GALNT13: variants seen among roughly 807,000 people sequenced by gnomAD.
GALNT13 encodes polypeptide N-acetylgalactosaminyltransferase 13.
A neutral mutation model predicts 64.2 loss-of-function variants in GALNT13; 28 were observed. The ratio of observed to expected loss-of-function variants is 0.44; its 90% CI spans 0.32 to 0.60. GALNT13 has a LOEUF of 0.60. Among genes scored for constraint, GALNT13 ranks in the 20% least tolerant of loss-of-function variants. The pLI is 0.05. For missense variants in GALNT13, 577 were observed against 669.8 expected, an observed-to-expected ratio of 0.86 and a Z score of 1.53; for synonymous variants, 214 against 224.6, an observed-to-expected ratio of 0.95 and a Z score of 0.42.
At chr2:153,980,595 C>T (rs572533355) in intron 3 of GALNT13, among the ~76,000 whole-genome samples, 2 of 152,076 alleles carry the variant, frequency 1.3e-5, no homozygotes, top group Admixed American at 6.6e-5. Flanking sequence ...ATAGGTTGCA[C>T]TTGATGTTCC....
the GALNT13 span, among the ~76,000 whole-genome samples, chr2:153,298,807 G>A: frequency 2.6e-5 from 4 of 152,142 alleles, no homozygotes; most frequent in African/African-American, 9.7e-5. Context: ...GCAAGAGAGA[G>A]ATAATTTGGA....
the GALNT13 span, among the ~76,000 whole-genome samples, chr2:153,206,934 G>C: frequency 1.7e-3 from 251 of 151,722 alleles, no homozygotes; most frequent in African/African-American, 5.8e-3. Flanking sequence ...TTTTTTTTAA[G>C]CCTATATTCC....
the GALNT13 span, among the ~76,000 whole-genome samples, chr2:153,392,226 A>G: frequency 3.3e-5 from 5 of 151,394 alleles, no homozygotes; most frequent in Admixed American, 2.6e-4. Context: ...ACCTATTTAA[A>G]TTTGTGTTAT....
At chr2:154,417,801 C>T (rs966210976) in intron 11 of GALNT13, among the ~76,000 whole-genome samples, 108 of 152,082 alleles carry the variant, frequency 7.1e-4, no homozygotes, top group African/African-American at 2.1e-3. Context: ...TGTGAGCCAC[C>T]GCGCCCGGCC....
chr2:154,308,852 T>C lies in GALNT13; in HGVS notation c.1156+7263T>C, dbSNP rs150098826. ...TATTGAAAATAAAGAATGACAGCTA[T>C]ATTCATCAACTGCTTTTCCTTGCTA... On this transcript the variant is annotated intron_variant, in intron 9 of 12. Transcript: ENST00000392825. Among the ~76,000 whole-genome samples the C allele has an allele frequency of 2.7e-4, 41 of 152,322 alleles. 2 individuals carry two copies. In the East Asian group the frequency reaches 7.5e-3, roughly 28 times the overall value.
chr2:153,732,419 G>C, the GALNT13 span, among the ~76,000 whole-genome samples: 1 of 151,938 alleles, frequency 6.6e-6, no homozygotes, highest in Non-Finnish European at 1.5e-5. Flanking sequence ...AATTTTGTTT[G>C]GGATCAGTTA....
chr2:153,774,071 TAACA>T, the GALNT13 span, among the ~76,000 whole-genome samples: 4 of 152,138 alleles, frequency 2.6e-5, no homozygotes, highest in South Asian at 2.1e-4. Context: ...ATTTGAATTT[TAACA>T]AACAATTTTT....
the GALNT13 span, among the ~76,000 whole-genome samples, chr2:153,544,109 C>T: frequency 6.6e-6 from 1 of 152,210 alleles, no homozygotes; most frequent in South Asian, 2.1e-4. Flanking sequence ...GATCGATCAT[C>T]AGCACAACGT....
chr2:154,251,447 T>C (rs1188219262), intron 7 of GALNT13, among the ~76,000 whole-genome samples: 2 of 152,190 alleles, frequency 1.3e-5, no homozygotes, highest in African/African-American at 2.4e-5. Context: ...CTCATGCTTA[T>C]TGGTAAGTGG....
intron 4 of GALNT13, among the ~76,000 whole-genome samples, chr2:154,188,755 G>A (rs1043648422): frequency 1.5e-4 from 23 of 151,862 alleles, no homozygotes. Flanking sequence ...AAATTATCAT[G>A]GGGAAATGTA....
At chr2:153,683,063 A>G in the GALNT13 span, among the ~76,000 whole-genome samples, 1 of 151,808 alleles carries the variant, frequency 6.6e-6, no homozygotes, top group South Asian at 2.1e-4. Context: ...TACCTGAAGC[A>G]GAAATATGAT....
chr2:154,145,339 C>T (rs1683531856), intron 4 of GALNT13, among the ~76,000 whole-genome samples: 1 of 151,498 alleles, frequency 6.6e-6, no homozygotes, highest in African/African-American at 2.4e-5. Context: ...GCATGTTTCT[C>T]ATCAATTATG....
At chr2:154,064,649 T>A (rs563933939) in intron 3 of GALNT13, among the ~76,000 whole-genome samples, 1 of 151,992 alleles carries the variant, frequency 6.6e-6, no homozygotes, top group Non-Finnish European at 1.5e-5. Flanking sequence ...ACCCACTGCC[T>A]ATAAAGGAAG....
intron 4 of GALNT13, among the ~76,000 whole-genome samples, chr2:154,178,630 C>T (rs754246465): frequency 6.6e-6 from 1 of 152,106 alleles, no homozygotes; most frequent in Non-Finnish European, 1.5e-5. Flanking sequence ...TCACAAAGTC[C>T]TTAATTGTAT....
At chr2:153,363,579 C>CACT in the GALNT13 span, among the ~76,000 whole-genome samples, 10 of 151,884 alleles carry the variant, frequency 6.6e-5, no homozygotes, top group African/African-American at 2.4e-4. Flanking sequence ...CAGAAATAGA[C>CACT]ACTACCATCA....
chr2:153,603,652 A>G, the GALNT13 span, among the ~76,000 whole-genome samples: 2 of 151,998 alleles, frequency 1.3e-5, no homozygotes, highest in Non-Finnish European at 2.9e-5. Flanking sequence ...AACTTTTCCT[A>G]TTAGCACAGA....
Position 154,245,805 on chromosome 2 carries a change from T to C in GALNT13, c.687-7T>C. The C allele has an allele frequency of 6.3e-7, 1 of 1,579,952 alleles. No homozygotes were observed. The highest frequency in any genetic ancestry group is 8.7e-7 in the Non-Finnish European group (1 of 1,155,952). The stretch of plus-strand genomic sequence containing the variant: ...GTGTCTATAAATTGGTTTTAATTTC[T>C]CTGCAGGAAAACGGTTGTCTGCCCT... On this transcript the variant is annotated splice_region_variant and splice_polypyrimidine_tract_variant and intron_variant, in intron 6 of 12. Coordinates refer to ENST00000392825, the MANE Select transcript of GALNT13 (RefSeq NM_052917.4).
the GALNT13 span, among the ~76,000 whole-genome samples, chr2:153,376,859 G>A: frequency 6.6e-6 from 1 of 152,064 alleles, no homozygotes. Context: ...ACATACATTA[G>A]GATCTGCTTC....
intron 9 of GALNT13, among the ~76,000 whole-genome samples, chr2:154,338,061 T>C (rs1695552997): frequency 6.6e-6 from 1 of 152,144 alleles, no homozygotes; most frequent in Non-Finnish European, 1.5e-5. Context: ...AGAGCAATGC[T>C]GTGTGCCCTG....
Sources: gnomAD v4.1 joint callset for allele counts (sites outside exome capture counted in the v4.1 genomes callset) on GRCh38, gnomAD v4.1.1 for gene constraint, MANE v1.5 for transcripts, NCBI Gene and HGNC (gene_info 2026-07-23, HGNC 2026-07-21) for gene names.